The following HVCN1 variants were observed in gnomAD, a reference collection of about 807,000 sequenced individuals.
HVCN1 encodes voltage-gated hydrogen channel 1.
HVCN1 carries 14 observed loss-of-function variants against 29.2 expected under a neutral mutation model. The ratio of observed to expected loss-of-function variants is 0.48; its 90% CI spans 0.32 to 0.75. The LOEUF is 0.75. Among genes scored for constraint, HVCN1 ranks in the 30% least tolerant of loss-of-function variants. HVCN1 has a pLI of 0.04. For synonymous variants in HVCN1, 131 were observed against 133.2 expected (o/e 0.98, Z 0.11); for missense variants, 263 against 341.8 (o/e 0.77, Z 1.82).
At chr12:110,701,793 G>T (rs1235973740) in intron 2 of HVCN1, among the ~76,000 whole-genome samples, 1 of 151,256 alleles carries the variant, frequency 6.6e-6, no homozygotes, top group Non-Finnish European at 1.5e-5. Context: ...GGAGGCGAAG[G>T]TTGCAGTGAG....
chr12:110,665,556 C>CA (rs56307913), intron 3 of HVCN1, among the ~76,000 whole-genome samples: 4,176 of 111,112 alleles, frequency 0.038, 94 homozygotes, highest in African/African-American at 0.083. Flanking sequence ...AACTCCATCT[C>CA]AAAAAAAAAA....
At chr12:110,672,725 G>C (rs1039850145) in intron 3 of HVCN1, among the ~76,000 whole-genome samples, 1 of 152,054 alleles carries the variant, frequency 6.6e-6, no homozygotes, top group African/African-American at 2.4e-5. Context: ...GAAACATGGG[G>C]GCCAATCTTT....
At position 110,695,281 on chromosome 12, in the gene HVCN1, T is replaced by C. The variant is rs546406162; in HGVS notation, c.-103-6573A>G. Among the ~76,000 whole-genome samples the C allele has an allele frequency of 1.5e-4, 22 of 151,702 alleles. 1 individual carries two copies. The highest frequency in any genetic ancestry group is 2.9e-4 in the African/African-American group (12 of 41,340). On this transcript the variant is annotated intron_variant, in intron 2 of 4. Coordinates refer to the HVCN1 transcript ENST00000546713. ...GTATATACACACACACACATATATA[T>C]ACACACACACACACTTATATATAAA...
intron 3 of HVCN1, among the ~76,000 whole-genome samples, chr12:110,671,353 G>C (rs2068570022): frequency 6.6e-6 from 1 of 152,050 alleles, no homozygotes; most frequent in Non-Finnish European, 1.5e-5. Flanking sequence ...ACACACAGAG[G>C]GTAAGGTCAC....
upstream of HVCN1, among the ~76,000 whole-genome samples, chr12:110,694,137 A>G (rs2069454574): frequency 6.6e-6 from 1 of 152,174 alleles, no homozygotes; most frequent in Non-Finnish European, 1.5e-5. The surrounding 1 kb of genome is among the most constrained non-coding windows in gnomAD (Gnocchi z 4.6). Flanking sequence ...ATCACTACCC[A>G]CTTCGGCCTT....
chr12:110,696,514 A>G (rs1410092748), intron 2 of HVCN1, among the ~76,000 whole-genome samples: 2 of 151,912 alleles, frequency 1.3e-5, no homozygotes, highest in African/African-American at 2.4e-5. Context: ...CAGGAGGTGG[A>G]GACCAGCCTG....
In HVCN1 at chr12:110,655,343, G is replaced by C; in HGVS notation, c.307-5C>G. 6.2e-7 allele frequency: 1 copy of C among 1,610,472 alleles called. No individual in the cohort carries two copies. Among genetic ancestry groups the C allele is most frequent in the Non-Finnish European group, 8.5e-7 (1 of 1,176,896 alleles). On this transcript the variant is annotated splice_polypyrimidine_tract_variant and splice_region_variant and intron_variant, in intron 4 of 7. Transcript: ENST00000242607. The stretch of plus-strand genomic sequence containing the variant: ...CACCAAGCAGATGATGATGACCTGT[G>C]GGCCGAGGGAAGGTGCCAGAGATCA...
At position 110,661,033 on chromosome 12, in the gene HVCN1, G is replaced by T; in HGVS notation, c.306+131C>A. ...GCACGGTACAGGGTCCCCGGCACGT[G>T]GTAGGTGCTGGGCAAACACTCGTAG... On this transcript the variant is annotated intron_variant, in intron 4 of 7. Transcript: ENST00000242607. The surrounding 1 kb of genome is among the most constrained non-coding windows in gnomAD (Gnocchi z 6.2). The T allele has an allele frequency of 1.2e-6, 1 of 848,672 alleles. No individual in the cohort carries two copies. Among genetic ancestry groups the T allele is most frequent in the Non-Finnish European group, 1.9e-6 (1 of 527,436 alleles). The allele number at this position is 848,672 out of a possible 1,614,324, so 52.6% of individuals were successfully genotyped here. A position where few individuals can be genotyped will look rare whatever the true frequency, so the allele number is the denominator to read the frequency against.
rs374295379 is a variant in HVCN1, at chr12:110,661,144, C to T, written c.306+20G>A. The T allele has an allele frequency of 8.9e-6, 14 of 1,574,078 alleles. No individual in the cohort carries two copies. Among genetic ancestry groups the T allele is most frequent in the South Asian group, 4.7e-5 (4 of 84,248 alleles). On this transcript the variant is annotated intron_variant, in intron 4 of 7. Transcript: ENST00000242607. The surrounding 1 kb of genome is among the most constrained non-coding windows in gnomAD (Gnocchi z 6.2). ...GCTCTCCTGCCAGCTCTGGGTATCC[C>T]GGACTCCTGCCCCACCTACCTGAAA...
chr12:110,702,625 G>A (rs1266056766), intron 1 of HVCN1, among the ~76,000 whole-genome samples: 1 of 151,496 alleles, frequency 6.6e-6, no homozygotes, highest in Non-Finnish European at 1.5e-5. Context: ...TGGGATTACA[G>A]GTGTGCGCCA....
chr12:110,649,194 C>A lies in HVCN1; in HGVS notation c.*216G>T. On this transcript the variant is annotated 3_prime_UTR_variant, in exon 8 of 8. Coordinates refer to ENST00000242607, the MANE Select transcript of HVCN1 (RefSeq NM_032369.4). ...GTGTTCAACATGAGAAAATGTGATA[C>A]ATTTGATACAGTGTGGGGTGGGAGT... 1 of 683,298 alleles carries A rather than the reference C, an allele frequency of 1.5e-6. No individual in the cohort carries two copies. Among genetic ancestry groups the A allele is most frequent in the Non-Finnish European group, 2.7e-6 (1 of 377,018 alleles). The allele number at this position is 683,298 out of a possible 1,614,324, so 42.3% of individuals were successfully genotyped here.
chr12:110,685,654 TA>T (rs2069150221), intron 2 of HVCN1, among the ~76,000 whole-genome samples: 1 of 152,036 alleles, frequency 6.6e-6, no homozygotes, highest in Non-Finnish European at 1.5e-5. Context: ...AGCGCTTCCA[TA>T]AATAACCCTG....
rs1382494736 is a variant in HVCN1, at chr12:110,682,041, G to A, written c.21+1184C>T. Among the ~76,000 whole-genome samples, 3 of 152,130 alleles carry A rather than the reference G, an allele frequency of 2.0e-5. No homozygotes were observed. In the East Asian group the frequency reaches 5.8e-4, roughly 29 times the overall value. On this transcript the variant is annotated intron_variant, in intron 3 of 7. Coordinates refer to ENST00000242607, the MANE Select transcript of HVCN1 (RefSeq NM_032369.4). ...TTGCTCTTGTCACCCAGGATGGAGT[G>A]CAATGGTGCGATCTTGGCTCACTGC...
intron 3 of HVCN1, among the ~76,000 whole-genome samples, chr12:110,669,367 G>GTGCTCCAATGCCAACC (rs1276115124): frequency 6.6e-6 from 1 of 152,040 alleles, no homozygotes; most frequent in African/African-American, 2.4e-5. Flanking sequence ...CAACCTGACT[G>GTGCTCCAATGCCAACC]TGTCCCTGCT....
chr12:110,672,490 C>T (rs1254071126), intron 3 of HVCN1, among the ~76,000 whole-genome samples: 2 of 152,134 alleles, frequency 1.3e-5, no homozygotes, highest in Admixed American at 6.5e-5. Flanking sequence ...GGAAAGGGGT[C>T]CTCAATCTAC....
Position 110,667,678 on chromosome 12 carries a change from C to T in HVCN1, c.22-6230G>A, listed in dbSNP as rs555917122. ...AACTCCTGGGCTCAAGTGATCCACCCGCCTCGGCCTCCCAAAGTTCTGGGA... is the reference window on the plus strand; with the variant it reads ...AACTCCTGGGCTCAAGTGATCCACCTGCCTCGGCCTCCCAAAGTTCTGGGA... On this transcript the variant is annotated intron_variant, in intron 3 of 7. Transcript: ENST00000242607. 7.9e-5 allele frequency among the ~76,000 whole-genome samples: 12 copies of T among 152,302 alleles called. No individual in the cohort carries two copies. In the South Asian group the frequency reaches 2.3e-3, roughly 29 times the overall value.
At chr12:110,674,167 G>T (rs2136378746) in intron 3 of HVCN1, among the ~76,000 whole-genome samples, 2 of 152,346 alleles carry the variant, frequency 1.3e-5, no homozygotes, top group South Asian at 4.1e-4. Flanking sequence ...TGGAGTCAAA[G>T]GAGATCATTT....
chr12:110,669,350 C>T (rs940365439), intron 3 of HVCN1, among the ~76,000 whole-genome samples: 2 of 152,118 alleles, frequency 1.3e-5, no homozygotes, highest in African/African-American at 2.4e-5. Context: ...TCCTCCTTCT[C>T]CAATGCCAAC....
chr12:110,695,261 TAC>T (rs150777041), intron 2 of HVCN1, among the ~76,000 whole-genome samples: 16,632 of 151,228 alleles, frequency 0.11, 1,016 homozygotes, highest in African/African-American at 0.17. Flanking sequence ...TATATGTATA[TAC>T]ACACACACAC....
Sources: gnomAD v4.1 joint callset for allele counts (sites outside exome capture counted in the v4.1 genomes callset) on GRCh38, gnomAD v4.1.1 for gene constraint, Gnocchi (gnomAD v3.1) non-coding constraint, MANE v1.5 for transcripts, NCBI Gene and HGNC (gene_info 2026-07-23, HGNC 2026-07-21) for gene names.